The following HS3ST4 variants were observed in gnomAD, a reference collection of about 807,000 sequenced individuals.
HS3ST4 encodes heparan sulfate glucosamine 3-O-sulfotransferase 4.
In HS3ST4, 17 loss-of-function variants were observed where a neutral mutation model predicts 29.2. That is an observed-to-expected ratio of 0.58 (90% CI 0.40 to 0.87). HS3ST4 has a LOEUF of 0.87. Among genes scored for constraint, HS3ST4 ranks in the 40% least tolerant of loss-of-function variants. The probability of loss-of-function intolerance (pLI) is 0.00; values close to 1 mark genes in which losing one functional copy is unlikely to be tolerated. For synonymous variants in HS3ST4, 314 were observed against 285.7 expected (o/e 1.10, Z -1.00); for missense variants, 627 against 634.5 (o/e 0.99, Z 0.13).
rs1189214201 is a variant in HS3ST4, at chr16:26,026,221, T to G, written c.735-109391T>G. Among the ~76,000 whole-genome samples, 9 of 152,164 alleles carry G rather than the reference T, an allele frequency of 5.9e-5. 1 individual carries two copies. Among genetic ancestry groups the G allele is most frequent in the Admixed American group, 5.9e-4 (9 of 15,282 alleles). On this transcript the variant is annotated intron_variant, in intron 1 of 1. Transcript: ENST00000331351. ...CGCACCCGGCCGGAAACAACATCGT[T>G]TTTGAGAAACCTCCCTAGTTTCTCC...
chr16:26,045,247 G>GAAAA (rs1188656492), intron 1 of HS3ST4, among the ~76,000 whole-genome samples: 1 of 151,634 alleles, frequency 6.6e-6, no homozygotes, highest in African/African-American at 2.4e-5. Context: ...AAAAGTATCA[G>GAAAA]AAAAAAAATG....
At chr16:25,929,525 C>T (rs901563997) in intron 1 of HS3ST4, among the ~76,000 whole-genome samples, 3 of 152,178 alleles carry the variant, frequency 2.0e-5, no homozygotes, top group Non-Finnish European at 2.9e-5. Flanking sequence ...CATGTGAAGA[C>T]CAAAGACAGG....
chr16:25,752,297 C>T lies in HS3ST4; in HGVS notation c.734+59146C>T, dbSNP rs117117719. On this transcript the variant is annotated intron_variant, in intron 1 of 1. Transcript: ENST00000331351. The stretch of plus-strand genomic sequence containing the variant: ...GCCAATTGAAAACTAGTATTAATAA[C>T]ATGAAGACATAAAATGGAAATGCTT... Among the ~76,000 whole-genome samples the T allele has an allele frequency of 7.0e-3, 1,069 of 152,170 alleles. 12 individuals carry two copies. Among genetic ancestry groups the T allele is most frequent in the Non-Finnish European group, 8.7e-3 (590 of 68,016 alleles).
At chr16:25,985,016 T>C (rs1470842672) in intron 1 of HS3ST4, among the ~76,000 whole-genome samples, 1 of 152,208 alleles carries the variant, frequency 6.6e-6, no homozygotes, top group Non-Finnish European at 1.5e-5. Flanking sequence ...CATCTTATGG[T>C]AGAAGTAGAA....
intron 1 of HS3ST4, among the ~76,000 whole-genome samples, chr16:25,927,279 T>C (rs1388717662): frequency 6.6e-6 from 1 of 152,196 alleles, no homozygotes; most frequent in African/African-American, 2.4e-5. Flanking sequence ...AACTGGATTC[T>C]TGGGAATTTT....
intron 1 of HS3ST4, among the ~76,000 whole-genome samples, chr16:25,852,803 G>C (rs956339267): frequency 6.6e-6 from 1 of 151,914 alleles, no homozygotes; most frequent in African/African-American, 2.4e-5. Flanking sequence ...AGATTATAAA[G>C]GTATTATCCT....
At chr16:25,978,770 A>C (rs1182862668) in intron 1 of HS3ST4, among the ~76,000 whole-genome samples, 1 of 152,188 alleles carries the variant, frequency 6.6e-6, no homozygotes, top group Non-Finnish European at 1.5e-5. Flanking sequence ...TCGATCAGAA[A>C]CAGAAAATGC....
intron 1 of HS3ST4, among the ~76,000 whole-genome samples, chr16:26,075,589 T>G (rs1405112616): frequency 6.6e-6 from 1 of 152,212 alleles, no homozygotes; most frequent in East Asian, 1.9e-4. Context: ...CTACAAATAG[T>G]GTGTAGACTT....
rs141586180 is a variant in HS3ST4, at chr16:25,942,961, A to G, written c.735-192651A>G. ...TTAAAATAAACTCTGTAGTACCTGG[A>G]GAGTGTTTTCTTTCTTTATCTTAAA... On this transcript the variant is annotated intron_variant, in intron 1 of 1. Coordinates refer to ENST00000331351, the MANE Select transcript of HS3ST4 (RefSeq NM_006040.3). Among the ~76,000 whole-genome samples, 12 of 152,246 alleles carry G rather than the reference A, an allele frequency of 7.9e-5. No homozygotes were observed. The East Asian group carries it at 2.1e-3, about 27-fold the overall frequency.
At chr16:25,844,247 A>G (rs1265281201) in intron 1 of HS3ST4, among the ~76,000 whole-genome samples, 1 of 152,174 alleles carries the variant, frequency 6.6e-6, no homozygotes, top group Non-Finnish European at 1.5e-5. Context: ...ATCGTTGTTT[A>G]TGCTTTTGCA....
chr16:25,692,435 ACCTCCTCCGCCT>A lies in HS3ST4; in HGVS notation c.21_32del (p.Pro13_Pro16del). On this transcript the variant is annotated inframe_deletion, in exon 1 of 2. Transcript: ENST00000331351. The stretch of plus-strand genomic sequence containing the variant: ...GAGCCGCGATGGCCCGGTGGCCCGC[ACCTCCTCCGCCT>A]CCGCCTCCGCCTCCACCTCTGGCCG... 1 of 1,153,608 alleles carries A rather than the reference ACCTCCTCCGCCT, an allele frequency of 8.7e-7. No homozygotes were observed. Among genetic ancestry groups the A allele is most frequent in the East Asian group, 4.1e-5 (1 of 24,604 alleles). The allele number at this position is 1,153,608 out of a possible 1,614,324, so 71.5% of individuals were successfully genotyped here.
intron 1 of HS3ST4, among the ~76,000 whole-genome samples, chr16:26,052,392 A>G (rs1596664078): frequency 6.6e-6 from 1 of 152,198 alleles, no homozygotes; most frequent in Non-Finnish European, 1.5e-5. Flanking sequence ...TTCTTTTGCA[A>G]CAGAGTCTCA....
chr16:25,864,567 C>T (rs1383903260), intron 1 of HS3ST4, among the ~76,000 whole-genome samples: 1 of 152,086 alleles, frequency 6.6e-6, no homozygotes. Context: ...CTCCCTTTCC[C>T]CTGGGAACTG....
intron 1 of HS3ST4, among the ~76,000 whole-genome samples, chr16:25,918,266 T>G (rs1968312593): frequency 6.6e-6 from 1 of 152,206 alleles, no homozygotes; most frequent in Non-Finnish European, 1.5e-5. Flanking sequence ...GGGCACGTCT[T>G]ATTGTCACCA....
At chr16:25,945,871 A>G (rs1968620319) in intron 1 of HS3ST4, among the ~76,000 whole-genome samples, 3 of 152,156 alleles carry the variant, frequency 2.0e-5, no homozygotes, top group African/African-American at 7.2e-5. Flanking sequence ...TAGCATATTG[A>G]TCATTTATTG....
intron 1 of HS3ST4, among the ~76,000 whole-genome samples, chr16:26,130,324 G>C (rs9934125): frequency 0.25 from 38,669 of 152,112 alleles, 5,078 homozygotes; most frequent in East Asian, 0.4. Context: ...TGGGAGGAAA[G>C]TCAGAAACGC....
chr16:25,971,945 G>T (rs571364342), intron 1 of HS3ST4, among the ~76,000 whole-genome samples: 46 of 151,780 alleles, frequency 3.0e-4, no homozygotes, highest in African/African-American at 1.1e-3. Flanking sequence ...AAGAAAGAAA[G>T]AAAAAAAAGA....
At chr16:25,705,312 A>G (rs1014020435) in intron 1 of HS3ST4, among the ~76,000 whole-genome samples, 8 of 152,188 alleles carry the variant, frequency 5.3e-5, no homozygotes, top group African/African-American at 1.7e-4. Flanking sequence ...ATTTGAGTCA[A>G]ACTACGTGGG....
At chr16:25,805,902 G>A (rs1022726874) in intron 1 of HS3ST4, among the ~76,000 whole-genome samples, 20 of 151,950 alleles carry the variant, frequency 1.3e-4, no homozygotes, top group Admixed American at 6.6e-4. Flanking sequence ...TCCCCTTTCT[G>A]TGTCCATGTG....
Sources: gnomAD v4.1 joint callset for allele counts (sites outside exome capture counted in the v4.1 genomes callset) on GRCh38, gnomAD v4.1.1 for gene constraint, MANE v1.5 for transcripts, NCBI Gene and HGNC (gene_info 2026-07-23, HGNC 2026-07-21) for gene names.